Variants in FREM1 observed in about 807,000 individuals in gnomAD.
The protein encoded by FREM1 is FRAS1-related extracellular matrix protein 1.
FREM1 carries 220 observed loss-of-function variants against 210.1 expected under a neutral mutation model. The ratio of observed to expected loss-of-function variants is 1.05; its 90% CI spans 0.94 to 1.17. FREM1 has a LOEUF of 1.17. Ranked by LOEUF, FREM1 falls within the 50% of genes most tolerant of loss-of-function variation. FREM1 has a pLI of 0.00. For missense variants in FREM1, 3,454 were observed against 2,675.5 expected (o/e 1.29, Z -6.42); for synonymous variants, 1,189 against 980.2 (o/e 1.21, Z -3.98).
chr9:14,864,839 C>T (rs551869295), intron 2 of FREM1, among the ~76,000 whole-genome samples: 2 of 152,266 alleles, frequency 1.3e-5, no homozygotes, highest in South Asian at 2.1e-4. Flanking sequence ...CTAATACAAA[C>T]GATTTTCTTT....
At chr9:14,809,534 G>T (rs1294724140) in intron 16 of FREM1, among the ~76,000 whole-genome samples, 1 of 152,146 alleles carries the variant, frequency 6.6e-6, no homozygotes, top group African/African-American at 2.4e-5. Context: ...AGAAAACTGG[G>T]CTTAAAAGGA....
At chr9:14,758,949 C>G (rs1248755344) in intron 28 of FREM1, among the ~76,000 whole-genome samples, 1 of 152,104 alleles carries the variant, frequency 6.6e-6, no homozygotes, top group Non-Finnish European at 1.5e-5. Context: ...TTGGACAACT[C>G]TTAAGATAGA....
Position 14,876,823 on chromosome 9 carries a change from TG to T in FREM1, c.-267-7580del, listed in dbSNP as rs1233515940. ...GCTGTTCCTATTCAGCCATCTTGGC[TG>T]CCTCCCCTTTAATATGGTTGTTGAA... is the stretch of plus-strand genomic sequence containing the variant. On this transcript the variant is annotated intron_variant, in intron 1 of 36. Transcript: ENST00000380880. Among the ~76,000 whole-genome samples the T allele has an allele frequency of 2.0e-5, 3 of 152,330 alleles. No individual in the cohort carries two copies. The East Asian group carries it at 5.8e-4, about 29-fold the overall frequency.
chr9:14,830,606 C>T (rs952439897), intron 10 of FREM1, among the ~76,000 whole-genome samples: 10 of 152,202 alleles, frequency 6.6e-5, no homozygotes, highest in African/African-American at 2.2e-4. Flanking sequence ...AATGTGCCCA[C>T]CGGAAGACCT....
At chr9:14,892,902 G>C (rs1588629155) in intron 1 of FREM1, among the ~76,000 whole-genome samples, 1 of 152,074 alleles carries the variant, frequency 6.6e-6, no homozygotes. Context: ...CAGAGACCAC[G>C]AGTTGAAATT....
In FREM1 at chr9:14,792,768, G is replaced by A; in HGVS notation, c.3956C>T (p.Pro1319Leu). The A allele has an allele frequency of 6.3e-7, 1 of 1,599,540 alleles. No homozygotes were observed. Among genetic ancestry groups the A allele is most frequent in the East Asian group, 2.2e-5 (1 of 44,722 alleles). Reference sequence around the variant, plus strand: ...CTTAAGCTGAAGTTGCCCATTTTGGGGAAGCCTTTCAAATACATAGTAAAT... The same window carrying A: ...CTTAAGCTGAAGTTGCCCATTTTGGAGAAGCCTTTCAAATACATAGTAAAT... Reference protein sequence around the residue: ...EKIYYVFERLPQNGQLQLKIG... With the variant: ...EKIYYVFERLLQNGQLQLKIG... Residue 1319 changes from proline to leucine, a missense_variant, in exon 22 of 37, where the codon CCC (proline) becomes CTC (leucine). Coordinates refer to ENST00000380880, the MANE Select transcript of FREM1 (RefSeq NM_001379081.2).
Position 14,841,592 on chromosome 9 carries a change from A to T in FREM1, c.1739-3T>A, listed in dbSNP as rs777549483. The stretch of plus-strand genomic sequence containing the variant: ...AAGGAAGCCATGGACAGGATAGCCT[A>T]TTGGGTCCATAAAACACCACATACT... On this transcript the variant is annotated splice_polypyrimidine_tract_variant and splice_region_variant and intron_variant, in intron 9 of 36. Transcript: ENST00000380880. 25 of 1,582,118 alleles carry T rather than the reference A, an allele frequency of 1.6e-5. 1 individual carries two copies. In the South Asian group the frequency reaches 2.8e-4, roughly 18 times the overall value.
At chr9:14,819,491 C>G in intron 13 of FREM1, 49 bp from the exon 14 acceptor site, 2 of 1,165,958 alleles carry the variant, frequency 1.7e-6, no homozygotes, top group Non-Finnish European at 2.5e-6. Flanking sequence ...TCCATGACCC[C>G]TGAAGACAGA....
intron 35 of FREM1, among the ~76,000 whole-genome samples, chr9:14,743,599 T>C (rs567731479): frequency 4.1e-4 from 62 of 152,176 alleles, no homozygotes; most frequent in African/African-American, 1.3e-3. Flanking sequence ...CAATGAAAGC[T>C]TCATTATAGA....
At chr9:14,764,562 T>C (rs1248203230) in intron 27 of FREM1, among the ~76,000 whole-genome samples, 1 of 152,220 alleles carries the variant, frequency 6.6e-6, no homozygotes, top group Non-Finnish European at 1.5e-5. Context: ...TTCTAAGGCA[T>C]GCGTGTAATT....
chr9:14,747,456 T>C, intron 32 of FREM1, 28 bp from the exon 33 acceptor site: 1 of 1,595,396 alleles, frequency 6.3e-7, no homozygotes, highest in Non-Finnish European at 8.5e-7. Context: ...TCAACAACAA[T>C]AAGGAAAAAA....
chr9:14,744,018 T>C (rs545736145), intron 35 of FREM1, among the ~76,000 whole-genome samples: 4 of 152,110 alleles, frequency 2.6e-5, no homozygotes, highest in African/African-American at 9.7e-5. Context: ...CTTTAACATG[T>C]AGCACTAAGG....
intron 28 of FREM1, among the ~76,000 whole-genome samples, chr9:14,757,357 C>A (rs950444143): frequency 1.3e-5 from 2 of 152,102 alleles, no homozygotes; most frequent in Non-Finnish European, 2.9e-5. Flanking sequence ...GAGTTCAAGA[C>A]CAACCTGGCC....
At position 14,859,207 on chromosome 9, in the gene FREM1, G is replaced by A; in HGVS notation, c.607C>T (p.Pro203Ser). The A allele has an allele frequency of 1.9e-6, 3 of 1,594,364 alleles. No individual in the cohort carries two copies. The highest frequency in any genetic ancestry group is 2.6e-6 in the Non-Finnish European group (3 of 1,169,940). The change falls in exon 4 of 37, where the codon CCA becomes TCA. Residue 203 changes from proline (P) to serine (S), a missense_variant. Coordinates refer to ENST00000380880, the MANE Select transcript of FREM1 (RefSeq NM_001379081.2). ...PRPEEPRGDQ[P>S]HSFFPESQLR... ...CGGGACTCTGGGAAAAAACTGTGTG[G>A]CTGATCTCCACGAGGTTCTTCTGGT...
At chr9:14,883,640 C>T (rs141878789) in intron 1 of FREM1, among the ~76,000 whole-genome samples, 1 of 152,158 alleles carries the variant, frequency 6.6e-6, no homozygotes, top group African/African-American at 2.4e-5. Flanking sequence ...TCTTTTAACA[C>T]CTCAAAATGA....
At chr9:14,799,685 T>C (rs1853145934) in intron 20 of FREM1, among the ~76,000 whole-genome samples, 1 of 152,188 alleles carries the variant, frequency 6.6e-6, no homozygotes, top group Admixed American at 6.5e-5. Flanking sequence ...CAATGTATTC[T>C]ATTATTTGTA....
chr9:14,897,966 G>T (rs1200000684), intron 1 of FREM1, among the ~76,000 whole-genome samples: 1 of 152,132 alleles, frequency 6.6e-6, no homozygotes, highest in Non-Finnish European at 1.5e-5. Context: ...CTTCAGCTAT[G>T]ACTTACACAC....
At chr9:14,815,988 G>C (rs1407066620) in intron 15 of FREM1, among the ~76,000 whole-genome samples, 1 of 152,000 alleles carries the variant, frequency 6.6e-6, no homozygotes, top group African/African-American at 2.4e-5. Flanking sequence ...TTTGTCAAGA[G>C]GGGGAAATAT....
In FREM1 at chr9:14,776,181, G is replaced by A. The variant is rs1029084142; in HGVS notation, c.4465C>T (p.Arg1489Trp). ...ATCTCAAACACCCCGTGCTCGGTCC[G>A]CAGTCCATTGCTGATGATGAATCTG... ...RFRFIISNGL[R>W]TEHGVFEITL... Residue 1489 changes from arginine to tryptophan, a missense_variant, in exon 25 of 37, where the codon CGG (arginine) becomes TGG (tryptophan). Transcript: ENST00000380880. 15 of 1,524,036 alleles carry A rather than the reference G, an allele frequency of 9.8e-6. No homozygotes were observed. The highest frequency in any genetic ancestry group is 5.5e-5 in the African/African-American group (4 of 72,114). The allele number at this position is 1,524,036 out of a possible 1,614,324, so 94.4% of individuals were successfully genotyped here.
Sources: allele counts gnomAD v4.1 joint callset (sites outside exome capture counted in the v4.1 genomes callset), GRCh38; gene constraint gnomAD v4.1.1; transcripts MANE v1.5; gene names NCBI Gene and HGNC (gene_info 2026-07-23, HGNC 2026-07-21).